PRC1: variants seen among roughly 807,000 people sequenced by gnomAD.
The protein encoded by PRC1 is anaphase spindle elongation 1 homolog.
In PRC1, 54 loss-of-function variants were observed where a neutral mutation model predicts 91.2. That is an observed-to-expected ratio of 0.59 (90% CI 0.48 to 0.74). PRC1 has a LOEUF of 0.74. PRC1 is among the 30% of genes least tolerant of loss of function. PRC1 has a pLI of 0.00. For synonymous variants in PRC1, 275 were observed against 263.6 expected, an observed-to-expected ratio of 1.04 and a Z score of -0.42; for missense variants, 727 against 746.2, an observed-to-expected ratio of 0.97 and a Z score of 0.30.
chr15:90,976,765 C>A lies in PRC1; in HGVS notation c.1114G>T (p.Ala372Ser). The change falls in exon 9 of 15, where the codon GCT becomes TCT. Residue 372 changes from alanine (A) to serine (S), a missense_variant. By Grantham distance (99) the Ala-to-Ser change is moderately conservative (BLOSUM62 1). Coordinates refer to ENST00000394249, the MANE Select transcript of PRC1 (RefSeq NM_003981.4). ...WRLFLEFERK[A>S]SDPNRFTNRG... ...TTTGTAAATCGATTTGGATCTGAAGCTTTTCTCTGTGAAAAATACATTTTT... is the reference window on the plus strand; with the variant it reads ...TTTGTAAATCGATTTGGATCTGAAGATTTTCTCTGTGAAAAATACATTTTT... 1.9e-6 allele frequency: 3 copies of A among 1,610,814 alleles called. No individual in the cohort carries two copies. The highest frequency in any genetic ancestry group is 1.7e-6 in the Non-Finnish European group (2 of 1,177,610).
In PRC1 at chr15:90,980,867, C is replaced by T. The variant is rs2039138002; in HGVS notation, c.822+17G>A. On this transcript the variant is annotated intron_variant, in intron 6 of 14. Coordinates refer to ENST00000394249, the MANE Select transcript of PRC1 (RefSeq NM_003981.4). ...CTAAGAGAAGACTGCTGACCCAGTA[C>T]CCACTGGGTTTCTTACCGCTTTCCG... 1 of 1,613,948 alleles carries T rather than the reference C, an allele frequency of 6.2e-7. No individual in the cohort carries two copies.
At chr15:90,978,230 T>G (rs569556222) in intron 8 of PRC1, among the ~76,000 whole-genome samples, 1 of 152,188 alleles carries the variant, frequency 6.6e-6, no homozygotes, top group African/African-American at 2.4e-5. Flanking sequence ...ATTCTAAGTA[T>G]AGCAAAAGTT....
rs1369019346 is a variant in PRC1 at position 90,984,475 on chromosome 15, C to A, written c.144+218G>T. ...AACTCCTGACCTCAAGCAATCCATG[C>A]GCCTCGGCCTCCCAAAGTGCTGGGA... On this transcript the variant is annotated intron_variant, in intron 2 of 14. Coordinates refer to ENST00000394249, the MANE Select transcript of PRC1 (RefSeq NM_003981.4). The surrounding 1 kb of genome is among the most constrained non-coding windows in gnomAD (Gnocchi z 5.1). Among the ~76,000 whole-genome samples, 2 of 152,134 alleles carry A rather than the reference C, an allele frequency of 1.3e-5. No individual in the cohort carries two copies. Among genetic ancestry groups the A allele is most frequent in the Non-Finnish European group, 2.9e-5 (2 of 68,020 alleles).
intron 1 of PRC1, 69 bp downstream of exon 1, chr15:90,994,338 G>C (rs1053760231): frequency 7.5e-6 from 12 of 1,610,644 alleles, no homozygotes; most frequent in African/African-American, 4.0e-5. Flanking sequence ...CCGCACCCCT[G>C]AACAGGCCCC....
chr15:90,967,696 A>T, intron 14 of PRC1: 1 of 451,040 alleles, frequency 2.2e-6, no homozygotes, highest in Non-Finnish European at 2.9e-6. Flanking sequence ...CCAGGTTTGT[A>T]GCCTAGGAGG....
Position 90,989,412 on chromosome 15 carries a change from A to ATTT in PRC1, c.12-4590_12-4588dup, listed in dbSNP as rs58512103. On this transcript the variant is annotated intron_variant, in intron 1 of 14. Transcript: ENST00000394249. ...ATAGACGTGCCATCGTGCTTGGCTA[A>ATTT]TTTTTTTTTTTTTTTTTTTTTTTAA... Among the ~76,000 whole-genome samples the ATTT allele has an allele frequency of 2.6e-3, 304 of 118,452 alleles. 1 individual carries two copies. The highest frequency in any genetic ancestry group is 7.9e-3 in the South Asian group (27 of 3,410). 77.7% of individuals were successfully genotyped at this position (118,452 alleles called of 152,430 possible).
intron 4 of PRC1, 37 bp from the exon 5 acceptor site, chr15:90,981,706 A>G (rs1227998529): frequency 6.2e-7 from 1 of 1,609,280 alleles, no homozygotes; most frequent in African/African-American, 1.3e-5. Flanking sequence ...CCTAGAGGAA[A>G]ACCAAAGTGA....
At position 90,974,253 on chromosome 15, in the gene PRC1, G is replaced by C; in HGVS notation, c.1351-7C>G. On this transcript the variant is annotated splice_region_variant and splice_polypyrimidine_tract_variant and intron_variant, in intron 10 of 14. Coordinates refer to ENST00000394249, the MANE Select transcript of PRC1 (RefSeq NM_003981.4). This position sits in a 1 kb window ranked among gnomAD's most constrained non-coding sequence, Gnocchi z 4.6. ...GTTTTTTGTTCTTCAGTTGCTGTGT[G>C]AAAGTCAGAAGCAACAGTGATAAAT... 6.2e-7 allele frequency: 1 copy of C among 1,605,308 alleles called. No individual in the cohort carries two copies. The highest frequency in any genetic ancestry group is 8.5e-7 in the Non-Finnish European group (1 of 1,172,082).
chr15:90,969,213 G>C (rs1383563403), intron 13 of PRC1, 93 bp from the exon 14 acceptor site: 3 of 1,376,274 alleles, frequency 2.2e-6, no homozygotes, highest in East Asian at 2.3e-5. Context: ...CCAGGGAATG[G>C]TATGTATTAA....
At chr15:90,978,734 CAA>C in intron 8 of PRC1, among the ~76,000 whole-genome samples, 1 of 109,284 alleles carries the variant, frequency 9.2e-6, no homozygotes, top group Non-Finnish European at 1.7e-5. Context: ...GCCTGGGCAA[CAA>C]GAGCGAAACT....
chr15:90,974,541 A>G lies in PRC1; in HGVS notation c.1350+44T>C, dbSNP rs757416582. Reference sequence around the variant, plus strand: ...GCAGAGACTATGGGCTGCTCAGATTACTTTCTTCGTCTTTTCCCAATTTGC... The same window carrying G: ...GCAGAGACTATGGGCTGCTCAGATTGCTTTCTTCGTCTTTTCCCAATTTGC... On this transcript the variant is annotated intron_variant, in intron 10 of 14. Coordinates refer to ENST00000394249, the MANE Select transcript of PRC1 (RefSeq NM_003981.4). The surrounding 1 kb of genome is among the most constrained non-coding windows in gnomAD (Gnocchi z 4.6). 1 of 1,611,072 alleles carries G rather than the reference A, an allele frequency of 6.2e-7. No individual in the cohort carries two copies. The highest frequency in any genetic ancestry group is 1.3e-5 in the African/African-American group (1 of 74,590).
chr15:90,974,181 G>A lies in PRC1; in HGVS notation c.1416C>T (p.Ser472=), dbSNP rs1184185099. Residue 472 remains serine, a synonymous_variant, in exon 11 of 15, where the codon AGC becomes AGT. Coordinates refer to ENST00000394249, the MANE Select transcript of PRC1 (RefSeq NM_003981.4). The surrounding 1 kb of genome is among the most constrained non-coding windows in gnomAD (Gnocchi z 4.6). The part of the protein sequence containing the change: ...MLYGSAPRTP[S]KRRGLAPNTP... ...TATTGGGAGCCAGTCCTCGCCGCTT[G>A]CTAGGTGTTCGAGGAGCGCTGCCAT... 6.2e-7 allele frequency: 1 copy of A among 1,614,062 alleles called. No homozygotes were observed. Among genetic ancestry groups the A allele is most frequent in the Non-Finnish European group, 8.5e-7 (1 of 1,180,046 alleles).
chr15:90,968,576 T>C, intron 14 of PRC1: 1 of 991,344 alleles, frequency 1.0e-6, no homozygotes, highest in Non-Finnish European at 1.2e-6. Context: ...GCTTCATCTA[T>C]GCTTCAGTAG....
At chr15:90,977,130 A>C (rs868275315) in intron 8 of PRC1, 23 of 152,110 alleles carry the variant, frequency 1.5e-4, no homozygotes, top group South Asian at 6.2e-4. Flanking sequence ...AAAAAAAAAA[A>C]AAAAAAAAAA....
At chr15:90,967,925 A>G (rs1030849718) in intron 14 of PRC1, 2 of 985,334 alleles carry the variant, frequency 2.0e-6, no homozygotes, top group African/African-American at 3.5e-5. Flanking sequence ...ATGGGCCAGA[A>G]CATATATCTA....
chr15:90,970,548 A>C, intron 11 of PRC1, 34 bp from the exon 12 acceptor site: 1 of 1,425,794 alleles, frequency 7.0e-7, no homozygotes, highest in Non-Finnish European at 9.9e-7. Context: ...ACTGATGTGC[A>C]GTAACATCCT....
At position 90,966,358 on chromosome 15, in the gene PRC1, C is replaced by A. The variant is rs1295347691; in HGVS notation, c.*773G>T. On this transcript the variant is annotated 3_prime_UTR_variant, in exon 15 of 15. Coordinates refer to ENST00000394249, the MANE Select transcript of PRC1 (RefSeq NM_003981.4). ...GATCTCCACGACAAAGACAGCTCAA[C>A]CCATTGGAACAAACAGACTCCCAAT... 2 of 319,902 alleles carry A rather than the reference C, an allele frequency of 6.3e-6. No homozygotes were observed. The highest frequency in any genetic ancestry group is 1.3e-5 in the Non-Finnish European group (2 of 159,316). 19.8% of individuals were successfully genotyped at this position (319,902 alleles called of 1,614,324 possible). A position where few individuals can be genotyped will look rare whatever the true frequency, so the allele number is the denominator to read the frequency against.
intron 1 of PRC1, among the ~76,000 whole-genome samples, chr15:90,992,880 T>A (rs74037604): frequency 0.046 from 6,945 of 151,968 alleles, 205 homozygotes; most frequent in South Asian, 0.088. Flanking sequence ...CAGCCTTCAC[T>A]GATCCACTGC....
intron 11 of PRC1, chr15:90,973,126 G>A (rs1426846450): frequency 6.6e-6 from 1 of 152,284 alleles, no homozygotes; most frequent in Non-Finnish European, 1.5e-5. Context: ...AGAAAGATCA[G>A]AGTGTTACTG....
Sources: gnomAD v4.1 joint callset for allele counts (sites outside exome capture counted in the v4.1 genomes callset) on GRCh38, gnomAD v4.1.1 for gene constraint, Gnocchi (gnomAD v3.1) non-coding constraint, MANE v1.5 for transcripts, NCBI Gene and HGNC (gene_info 2026-07-23, HGNC 2026-07-21) for gene names.